RPS6KA2: variants seen among roughly 807,000 people sequenced by gnomAD.
The protein encoded by RPS6KA2 is ribosomal protein S6 kinase alpha-2.
A neutral mutation model predicts 91.8 loss-of-function variants in RPS6KA2; 42 were observed. That is an observed-to-expected ratio of 0.46 (90% CI 0.36 to 0.59). RPS6KA2 has a LOEUF of 0.59. RPS6KA2 is among the 20% of genes least tolerant of loss of function. The probability of loss-of-function intolerance (pLI) is 0.00; values close to 1 mark genes in which losing one functional copy is unlikely to be tolerated. For missense variants in RPS6KA2, 798 were observed against 978.5 expected (o/e 0.82, Z 2.46); for synonymous variants, 414 against 393.6 (o/e 1.05, Z -0.61).
At chr6:166,568,963 T>C (rs985833082) in intron 1 of RPS6KA2, among the ~76,000 whole-genome samples, 8 of 152,212 alleles carry the variant, frequency 5.3e-5, no homozygotes, top group African/African-American at 1.9e-4. Context: ...TACTTTTTTT[T>C]CCTCTTTTAC....
At chr6:166,510,800 C>T (rs1056619454) in intron 3 of RPS6KA2, among the ~76,000 whole-genome samples, 7 of 151,762 alleles carry the variant, frequency 4.6e-5, no homozygotes, top group East Asian at 1.9e-4. Context: ...CCCTCCACGT[C>T]GTTTTCCCGA....
intron 3 of RPS6KA2, among the ~76,000 whole-genome samples, chr6:166,530,845 C>A (rs762577674): frequency 6.6e-6 from 1 of 152,234 alleles, no homozygotes; most frequent in Non-Finnish European, 1.5e-5. Context: ...ACAACCCAAC[C>A]CAACCATGAG....
chr6:166,460,018 G>A (rs1348969230), intron 11 of RPS6KA2, among the ~76,000 whole-genome samples: 1 of 152,178 alleles, frequency 6.6e-6, no homozygotes, highest in East Asian at 1.9e-4. Context: ...CAGCTCTGCG[G>A]GGCACTGCAA....
In RPS6KA2 at chr6:166,612,929, T is replaced by C. The variant is rs1233826921; in HGVS notation, c.99+13992A>G. Among the ~76,000 whole-genome samples the C allele has an allele frequency of 6.6e-6, 1 of 152,132 alleles. No homozygotes were observed. Among genetic ancestry groups the C allele is most frequent in the African/African-American group, 2.4e-5 (1 of 41,408 alleles). On this transcript the variant is annotated intron_variant, in intron 1 of 20. Transcript: ENST00000265678. The surrounding 1 kb of genome is among the most constrained non-coding windows in gnomAD (Gnocchi z 4.3). ...TCTTCTTCCTGCCTCTTCTCTCCCC[T>C]CTCCTCCTGCCCTTTAATTATTGTT...
chr6:166,480,534 A>T (rs940420176), intron 10 of RPS6KA2, among the ~76,000 whole-genome samples: 20 of 125,540 alleles, frequency 1.6e-4, no homozygotes, highest in South Asian at 2.5e-4. Flanking sequence ...TTTTTTTTTG[A>T]GAGAGAGTTT....
chr6:166,784,806 A>G (rs1778888614), intron 2 of RPS6KA2, among the ~76,000 whole-genome samples: 1 of 152,246 alleles, frequency 6.6e-6, no homozygotes, highest in Non-Finnish European at 1.5e-5. Context: ...AGTGGTCTCC[A>G]TGTCTCATCC....
chr6:166,421,603 T>C (rs1268986140), intron 17 of RPS6KA2, among the ~76,000 whole-genome samples: 3 of 152,176 alleles, frequency 2.0e-5, no homozygotes, highest in Non-Finnish European at 4.4e-5. Flanking sequence ...TTCCTTTGTC[T>C]TGCCAGGTCT....
chr6:166,827,410 G>T (rs931525051), intron 2 of RPS6KA2, among the ~76,000 whole-genome samples: 2 of 152,024 alleles, frequency 1.3e-5, no homozygotes, highest in South Asian at 2.1e-4. Context: ...TTGTGGCCAA[G>T]AATAATTATT....
At chr6:166,830,096 G>C (rs1014892520) in intron 2 of RPS6KA2, among the ~76,000 whole-genome samples, 1 of 142,866 alleles carries the variant, frequency 7.0e-6, no homozygotes, top group Non-Finnish European at 1.5e-5. Flanking sequence ...TTGCACTCCA[G>C]CCTGGGCAAC....
chr6:166,449,352 C>T (rs751878481), intron 13 of RPS6KA2, among the ~76,000 whole-genome samples: 4 of 150,798 alleles, frequency 2.7e-5, no homozygotes, highest in Admixed American at 2.0e-4. Flanking sequence ...GTCATGACAA[C>T]GTCTACTTTA....
intron 2 of RPS6KA2, among the ~76,000 whole-genome samples, chr6:166,776,320 G>A (rs79218936): frequency 0.038 from 5,754 of 152,326 alleles, 397 homozygotes; most frequent in African/African-American, 0.13. Context: ...AGGAGGACTG[G>A]AAGAGAGAGA....
intron 11 of RPS6KA2, among the ~76,000 whole-genome samples, chr6:166,466,431 T>TGGAGTGG (rs1324837207): frequency 6.6e-6 from 1 of 152,248 alleles, no homozygotes; most frequent in Non-Finnish European, 1.5e-5. Context: ...ATGCATACTT[T>TGGAGTGG]GGAGTGGCTC....
intron 1 of RPS6KA2, among the ~76,000 whole-genome samples, chr6:166,547,156 A>G (rs925989724): frequency 6.6e-6 from 1 of 152,136 alleles, no homozygotes; most frequent in African/African-American, 2.4e-5. Flanking sequence ...GATACCCAGC[A>G]GAGGGACGCT....
chr6:166,479,654 T>A (rs1781117112), intron 10 of RPS6KA2, among the ~76,000 whole-genome samples: 1 of 152,260 alleles, frequency 6.6e-6, no homozygotes, highest in African/African-American at 2.4e-5. Context: ...AAAACAACTT[T>A]TTAAAAACTG....
At chr6:166,799,912 A>C (rs2128617478) in intron 2 of RPS6KA2, among the ~76,000 whole-genome samples, 2 of 152,056 alleles carry the variant, frequency 1.3e-5, no homozygotes, top group East Asian at 1.9e-4. Context: ...ACCCTCTCCC[A>C]CCCTTCTGCC....
intron 1 of RPS6KA2, among the ~76,000 whole-genome samples, chr6:166,596,545 TC>T (rs1785539849): frequency 1.3e-5 from 2 of 152,186 alleles, no homozygotes; most frequent in Admixed American, 6.5e-5. Flanking sequence ...GTCTTTGGAA[TC>T]TAAGACTTAC....
intron 2 of RPS6KA2, among the ~76,000 whole-genome samples, chr6:166,828,956 T>A (rs1780112581): frequency 1.3e-5 from 2 of 152,102 alleles, no homozygotes; most frequent in African/African-American, 2.4e-5. Flanking sequence ...CTGGAATGTA[T>A]AAAAACCTCC....
chr6:166,498,197 A>C (rs1318540649), intron 8 of RPS6KA2, among the ~76,000 whole-genome samples: 1 of 152,252 alleles, frequency 6.6e-6, no homozygotes, highest in Non-Finnish European at 1.5e-5. Flanking sequence ...AAAATACTTT[A>C]ACTCGAAAAT....
intron 16 of RPS6KA2, among the ~76,000 whole-genome samples, chr6:166,427,737 A>T (rs1306833506): frequency 6.6e-6 from 1 of 152,192 alleles, no homozygotes; most frequent in Admixed American, 6.5e-5. Flanking sequence ...TAGGAATCCA[A>T]CTTACAAGGG....
Sources: allele counts gnomAD v4.1 joint callset (sites outside exome capture counted in the v4.1 genomes callset), GRCh38; gene constraint gnomAD v4.1.1; non-coding constraint Gnocchi (gnomAD v3.1); transcripts MANE v1.5; gene names NCBI Gene and HGNC (gene_info 2026-07-23, HGNC 2026-07-21).